Variants in ZNF221 observed in about 807,000 individuals in gnomAD.
ZNF221 encodes the protein zinc finger protein 221.
A neutral mutation model predicts 12.6 loss-of-function variants in ZNF221; 10 were observed. The ratio of observed to expected loss-of-function variants is 0.79; its 90% CI spans 0.49 to 1.34. The LOEUF is 1.34. Ranked by LOEUF, ZNF221 falls within the 40% of genes most tolerant of loss-of-function variation. The pLI, the probability that ZNF221 is intolerant of heterozygous loss-of-function variation, is 0.00. For missense variants in ZNF221, 661 were observed against 721.4 expected (o/e 0.92, Z 0.96); for synonymous variants, 232 against 244.0 (o/e 0.95, Z 0.46).
intron 1 of ZNF221, among the ~76,000 whole-genome samples, chr19:43,954,351 A>T (rs896575758): frequency 6.6e-6 from 1 of 152,150 alleles, no homozygotes; most frequent in African/African-American, 2.4e-5. Context: ...TTCATAACTC[A>T]TTTATTCATT....
rs1463126126 is a variant in ZNF221, at chr19:43,967,343, G to A, written c.1841G>A (p.Arg614Lys). The part of the protein sequence containing the change: ...ASFTSVSLCG[R>K]KAI ...TTTACATCAGTAAGTCTATGTGGGAGAAAAGCCATATAAATGTGAGAAGTG... is the reference window on the plus strand; with the variant it reads ...TTTACATCAGTAAGTCTATGTGGGAAAAAAGCCATATAAATGTGAGAAGTG... The change falls in exon 5 of 5, where the codon AGA (arginine) becomes AAA (lysine). Residue 614 changes from arginine to lysine, a missense_variant. By Grantham distance (26) the Arg-to-Lys change is conservative (BLOSUM62 2). Coordinates refer to ENST00000587682, the MANE Select transcript of ZNF221 (RefSeq NM_001297588.2). 1 of 1,610,628 alleles carries A rather than the reference G, an allele frequency of 6.2e-7. No individual in the cohort carries two copies.
chr19:43,980,596 C>T, the ZNF221 span, among the ~76,000 whole-genome samples: 1 of 152,166 alleles, frequency 6.6e-6, no homozygotes, highest in African/African-American at 2.4e-5. Flanking sequence ...TACATACATA[C>T]CAGAGGGAAG....
At chr19:43,971,262 A>G (rs2147350150), downstream of ZNF221, among the ~76,000 whole-genome samples, 1 of 152,312 alleles carries the variant, frequency 6.6e-6, no homozygotes, top group African/African-American at 2.4e-5. Flanking sequence ...AGGAAGCACT[A>G]AATATGGAAA....
rs759310275 is a variant in ZNF221, at chr19:43,966,664, C to T, written c.1162C>T (p.His388Tyr). 2.5e-6 allele frequency: 4 copies of T among 1,614,170 alleles called. No individual in the cohort carries two copies. In the Admixed American group the frequency reaches 5.0e-5, roughly 20 times the overall value. Residue 388 changes from histidine (H) to tyrosine (Y), a missense_variant, in exon 5 of 5, where the codon CAC (histidine) becomes TAC (tyrosine). Coordinates refer to ENST00000587682, the MANE Select transcript of ZNF221 (RefSeq NM_001297588.2). ...RRDFCKHQMV[H>Y]TGEKPYNCKE... ...AGATTTTTGTAAGCATCAGATGGTC[C>T]ACACAGGAGAGAAACCATATAATTG...
the ZNF221 span, among the ~76,000 whole-genome samples, chr19:43,978,223 G>A: frequency 9.8e-5 from 15 of 152,306 alleles, no homozygotes; most frequent in South Asian, 2.1e-4. Context: ...GAGTTTAGGC[G>A]CAGTGACCAC....
rs1485462791 is a variant in ZNF221, at chr19:43,962,817, G to A, written c.81+10G>A. ...AATGACCACATTCAAAGTGAGTAGGGCTTGCCTCTCTTGCTGTTAAAATTC... is the reference window on the plus strand; with the variant it reads ...AATGACCACATTCAAAGTGAGTAGGACTTGCCTCTCTTGCTGTTAAAATTC... On this transcript the variant is annotated intron_variant, in intron 2 of 4. Transcript: ENST00000587682. The A allele has an allele frequency of 1.9e-6, 3 of 1,609,894 alleles. No homozygotes were observed. The highest frequency in any genetic ancestry group is 2.5e-6 in the Non-Finnish European group (3 of 1,177,240).
At chr19:43,972,676 T>C (rs181888923), downstream of ZNF221, among the ~76,000 whole-genome samples, 1 of 142,482 alleles carries the variant, frequency 7.0e-6, no homozygotes, top group East Asian at 2.1e-4. Flanking sequence ...TCTGGAAACA[T>C]ACACCCTCCT....
intron 1 of ZNF221, among the ~76,000 whole-genome samples, chr19:43,957,297 C>T (rs533895784): frequency 4.1e-4 from 62 of 152,270 alleles, no homozygotes; most frequent in African/African-American, 1.4e-3. Flanking sequence ...TCTCCTGCCT[C>T]AGCCTTCCAA....
chr19:43,970,857 G>T (rs759016153), downstream of ZNF221, among the ~76,000 whole-genome samples: 7 of 152,284 alleles, frequency 4.6e-5, no homozygotes, highest in Non-Finnish European at 1.5e-5. Context: ...ATGTTATCCA[G>T]GATAACTTTC....
chr19:43,980,865 A>G, the ZNF221 span, among the ~76,000 whole-genome samples: 2 of 152,320 alleles, frequency 1.3e-5, no homozygotes, highest in African/African-American at 2.4e-5. Context: ...AGTCTGTGCA[A>G]TGTGTCCCAG....
the ZNF221 span, among the ~76,000 whole-genome samples, chr19:43,978,085 A>G: frequency 2.0e-5 from 3 of 152,224 alleles, no homozygotes; most frequent in African/African-American, 4.8e-5. Context: ...AATGTCTACA[A>G]TGGAAGCTCA....
chr19:43,965,518 A>G (rs976508510), intron 4 of ZNF221, among the ~76,000 whole-genome samples, 193 bp downstream of exon 4: 1 of 152,210 alleles, frequency 6.6e-6, no homozygotes, highest in Non-Finnish European at 1.5e-5. Flanking sequence ...AATTTATCAT[A>G]CAAGATTTTA....
chr19:43,955,053 CTCTAT>C (rs1974734047), intron 1 of ZNF221, among the ~76,000 whole-genome samples: 1 of 151,616 alleles, frequency 6.6e-6, no homozygotes, highest in Non-Finnish European at 1.5e-5. Context: ...GAGGATCGCT[CTCTAT>C]TCATTGCTGG....
At chr19:43,965,174 T>A (rs924246087) in intron 3 of ZNF221, 59 bp from the exon 4 acceptor site, 2 of 1,592,932 alleles carry the variant, frequency 1.3e-6, no homozygotes, top group South Asian at 1.1e-5. Flanking sequence ...TTCCAGTAAA[T>A]TTTCCCTAGA....
At chr19:43,957,453 A>G (rs1272302218) in intron 1 of ZNF221, among the ~76,000 whole-genome samples, 1 of 152,196 alleles carries the variant, frequency 6.6e-6, no homozygotes, top group African/African-American at 2.4e-5. Flanking sequence ...TATTACAGGC[A>G]TGAGCCACCA....
the ZNF221 span, among the ~76,000 whole-genome samples, chr19:43,976,113 C>T: frequency 6.6e-6 from 1 of 152,068 alleles, no homozygotes; most frequent in Non-Finnish European, 1.5e-5. Flanking sequence ...GCTTGGCTGG[C>T]CTTGAACTTC....
At position 43,966,313 on chromosome 19, in the gene ZNF221, G is replaced by A. The variant is rs1236365431; in HGVS notation, c.811G>A (p.Val271Ile). Residue 271 changes from valine (V) to isoleucine (I), a missense_variant, in exon 5 of 5, where the codon GTT (valine) becomes ATT (isoleucine). Coordinates refer to ENST00000587682, the MANE Select transcript of ZNF221 (RefSeq NM_001297588.2). ...KGFHSRSALN[V>I]HCKLHTGEKP... is the part of the protein sequence containing the mutation. ...CTTCCATAGTAGATCAGCACTTAATGTTCATTGCAAATTGCACACAGGAGA... is the reference window on the plus strand; with the variant it reads ...CTTCCATAGTAGATCAGCACTTAATATTCATTGCAAATTGCACACAGGAGA... The A allele has an allele frequency of 6.2e-6, 10 of 1,614,032 alleles. No individual in the cohort carries two copies. The Admixed American group carries it at 1.0e-4, about 16-fold the overall frequency.
chr19:43,959,088 T>A (rs1012222728), intron 1 of ZNF221, among the ~76,000 whole-genome samples: 1 of 152,234 alleles, frequency 6.6e-6, no homozygotes, highest in African/African-American at 2.4e-5. Context: ...CATAGTGAAC[T>A]GTGGGTCCTA....
downstream of ZNF221, among the ~76,000 whole-genome samples, chr19:43,969,592 G>A (rs925452956): frequency 9.2e-5 from 14 of 151,810 alleles, no homozygotes; most frequent in African/African-American, 1.5e-4. Flanking sequence ...CAGGTGATCC[G>A]CCTGCCTCAG....
Sources: gnomAD v4.1 joint callset for allele counts (sites outside exome capture counted in the v4.1 genomes callset) on GRCh38, gnomAD v4.1.1 for gene constraint, MANE v1.5 for transcripts, NCBI Gene and HGNC (gene_info 2026-07-23, HGNC 2026-07-21) for gene names.